Variants in WDR72 observed in about 807,000 individuals in gnomAD.
WDR72 encodes WD repeat-containing protein 72.
In WDR72, 120 loss-of-function variants were observed where a neutral mutation model predicts 124.2. The observed-to-expected ratio is 0.97, with a 90% CI of 0.83 to 1.12. The LOEUF is 1.12. Ranked by LOEUF, WDR72 falls within the 50% of genes most tolerant of loss-of-function variation. The pLI is 0.00. For missense variants in WDR72, 1,387 were observed against 1,278.8 expected, an observed-to-expected ratio of 1.08 and a Z score of -1.29; for synonymous variants, 452 against 441.7, an observed-to-expected ratio of 1.02 and a Z score of -0.29.
chr15:53,720,106 TA>T (rs1005938229), intron 3 of WDR72, among the ~76,000 whole-genome samples: 41 of 152,208 alleles, frequency 2.7e-4, no homozygotes, highest in African/African-American at 8.7e-4. Flanking sequence ...TCCCATTTTT[TA>T]AAAAAAATTG....
intron 5 of WDR72, 113 bp downstream of exon 5, chr15:53,715,080 T>A: frequency 1.7e-6 from 2 of 1,157,164 alleles, no homozygotes; most frequent in South Asian, 1.5e-5. Flanking sequence ...CATTAACAGG[T>A]AAGCATAAAG....
chr15:53,703,161 G>A (rs532537618), intron 11 of WDR72, among the ~76,000 whole-genome samples: 3 of 152,126 alleles, frequency 2.0e-5, no homozygotes, highest in South Asian at 4.2e-4. Flanking sequence ...GGATCCACTT[G>A]CCTCAGCCTT....
chr15:53,721,475 C>A (rs923230345), intron 3 of WDR72, among the ~76,000 whole-genome samples: 1 of 152,004 alleles, frequency 6.6e-6, no homozygotes, highest in African/African-American at 2.4e-5. Flanking sequence ...TTGTGGCAGC[C>A]CTGGTGAATG....
intron 13 of WDR72, among the ~76,000 whole-genome samples, chr15:53,697,172 G>C (rs781398655): frequency 1.3e-5 from 2 of 152,288 alleles, no homozygotes; most frequent in Non-Finnish European, 2.9e-5. Context: ...AAATAGTATA[G>C]ATAACCAACT....
chr15:53,695,077 G>GA (rs979252784), intron 13 of WDR72, among the ~76,000 whole-genome samples: 1 of 152,040 alleles, frequency 6.6e-6, no homozygotes, highest in African/African-American at 2.4e-5. Flanking sequence ...GCCCTCTACA[G>GA]AAAAAAGTGT....
At chr15:53,621,886 C>T (rs550969194) in intron 14 of WDR72, among the ~76,000 whole-genome samples, 1 of 152,000 alleles carries the variant, frequency 6.6e-6, no homozygotes, top group Non-Finnish European at 1.5e-5. Flanking sequence ...TGACAAAGCC[C>T]TAATATCCAG....
At chr15:53,668,094 A>T (rs1165690242) in intron 13 of WDR72, among the ~76,000 whole-genome samples, 1 of 152,192 alleles carries the variant, frequency 6.6e-6, no homozygotes, top group Non-Finnish European at 1.5e-5. Context: ...GGCAAGAAAC[A>T]TCTGAAAACT....
chr15:53,553,595 T>C (rs1440098036), intron 18 of WDR72, among the ~76,000 whole-genome samples: 1 of 152,174 alleles, frequency 6.6e-6, no homozygotes, highest in African/African-American at 2.4e-5. Context: ...TTTCCTTTAT[T>C]ATTTTAGCAC....
intron 1 of WDR72, among the ~76,000 whole-genome samples, chr15:53,736,257 C>G (rs747650705): frequency 2.0e-5 from 3 of 152,010 alleles, no homozygotes; most frequent in Non-Finnish European, 2.9e-5. Context: ...TGTTGGAGTT[C>G]AAATAGTATG....
intron 18 of WDR72, among the ~76,000 whole-genome samples, chr15:53,585,384 G>A (rs890870000): frequency 5.9e-5 from 9 of 151,832 alleles, no homozygotes; most frequent in South Asian, 4.2e-4. Flanking sequence ...GGAGGAAACC[G>A]CCCCTGTGAT....
At chr15:53,574,043 TA>T (rs769335016) in intron 18 of WDR72, among the ~76,000 whole-genome samples, 60 of 152,354 alleles carry the variant, frequency 3.9e-4, no homozygotes, top group Non-Finnish European at 4.3e-4. Context: ...CGATCTCTTA[TA>T]AAAGATTTGT....
chr15:53,613,774 T>C lies in WDR72; in HGVS notation c.2781-17A>G. The C allele has an allele frequency of 1.3e-6, 2 of 1,500,790 alleles. No individual in the cohort carries two copies. Among genetic ancestry groups the C allele is most frequent in the African/African-American group, 1.4e-5 (1 of 72,796 alleles). The allele number at this position is 1,500,790 out of a possible 1,614,324, so 93.0% of individuals were successfully genotyped here. A position where few individuals can be genotyped will look rare whatever the true frequency, so the allele number is the denominator to read the frequency against. On this transcript the variant is annotated splice_polypyrimidine_tract_variant and intron_variant, in intron 15 of 19. Transcript: ENST00000360509. ...CTGAAAGAACTGTTAGAAAAAAGAT[T>C]GACAGCATATTACTAAAAAGCATGA...
intron 17 of WDR72, 77 bp from the exon 18 acceptor site, chr15:53,597,351 C>A (rs1166855395): frequency 6.9e-7 from 1 of 1,448,278 alleles, no homozygotes; most frequent in African/African-American, 1.4e-5. Flanking sequence ...AATCCAAAGC[C>A]CGGAATTTAA....
chr15:53,723,317 C>G (rs1362155602), intron 2 of WDR72, among the ~76,000 whole-genome samples: 2 of 152,066 alleles, frequency 1.3e-5, no homozygotes, highest in Non-Finnish European at 2.9e-5. Flanking sequence ...CTTTTTGAAA[C>G]CACCATAATA....
intron 4 of WDR72, among the ~76,000 whole-genome samples, chr15:53,715,746 G>A (rs751693111): frequency 1.3e-5 from 2 of 152,144 alleles, no homozygotes; most frequent in Non-Finnish European, 2.9e-5. Context: ...GACCACTTGA[G>A]GCCAGGAATT....
Position 53,514,153 on chromosome 15 carries a change from T to C in WDR72, c.*3546A>G, listed in dbSNP as rs952214409. 4.6e-5 allele frequency: 7 copies of C among 152,208 alleles called. No homozygotes were observed. The highest frequency in any genetic ancestry group is 2.6e-4 in the Admixed American group (4 of 15,272). 9.4% of individuals were successfully genotyped at this position (152,208 alleles called of 1,614,324 possible). The stretch of plus-strand genomic sequence containing the variant: ...AATTTTTTAAAATTACAAAAAACAC[T>C]AAGTATTATGCAAATGTTTACAAAG... On this transcript the variant is annotated 3_prime_UTR_variant, in exon 20 of 20. Coordinates refer to ENST00000360509, the MANE Select transcript of WDR72 (RefSeq NM_182758.4).
intron 13 of WDR72, among the ~76,000 whole-genome samples, chr15:53,677,986 A>C (rs542413664): frequency 1.3e-5 from 2 of 152,310 alleles, no homozygotes; most frequent in Admixed American, 6.5e-5. Context: ...GTGATTAGGG[A>C]AAGTATTTTA....
intron 1 of WDR72, among the ~76,000 whole-genome samples, chr15:53,748,551 G>A (rs114734438): frequency 0.011 from 1,694 of 152,108 alleles, 32 homozygotes; most frequent in African/African-American, 0.039. Flanking sequence ...TTAATCCTCC[G>A]TCATAGTCAA....
rs192241374 is a variant in WDR72, at chr15:53,745,232, G to A, written c.-12-12071C>T. 2.0e-5 allele frequency among the ~76,000 whole-genome samples: 3 copies of A among 152,178 alleles called. No individual in the cohort carries two copies. In the East Asian group the frequency reaches 5.8e-4, roughly 29 times the overall value. On this transcript the variant is annotated intron_variant, in intron 1 of 19. Transcript: ENST00000360509. Reference sequence around the variant, plus strand: ...TAGATAACTTTTATCATTATTCCTTGTTCATAATCAGCACTCAGCATATGG... The same window carrying A: ...TAGATAACTTTTATCATTATTCCTTATTCATAATCAGCACTCAGCATATGG...
Sources: gnomAD v4.1 joint callset for allele counts (sites outside exome capture counted in the v4.1 genomes callset) on GRCh38, gnomAD v4.1.1 for gene constraint, MANE v1.5 for transcripts, NCBI Gene and HGNC (gene_info 2026-07-23, HGNC 2026-07-21) for gene names.